STARD13: variants seen among roughly 807,000 people sequenced by gnomAD.
The protein encoded by STARD13 is StAR related lipid transfer domain containing 13.
In STARD13, 62 loss-of-function variants were observed where a neutral mutation model predicts 106.4. The ratio of observed to expected loss-of-function variants is 0.58; its 90% CI spans 0.48 to 0.72. The LOEUF (loss-of-function observed/expected upper bound fraction) is 0.72, where lower values mean the gene tolerates loss of function less well. Ranked by LOEUF, STARD13 falls within the 30% of genes least tolerant of loss-of-function variation. STARD13 has a pLI of 0.00. For synonymous variants in STARD13, 565 were observed against 553.0 expected, an observed-to-expected ratio of 1.02 and a Z score of -0.31; for missense variants, 1,387 against 1,424.0, an observed-to-expected ratio of 0.97 and a Z score of 0.42.
At chr13:33,556,946 GT>G in the STARD13 span, among the ~76,000 whole-genome samples, 2 of 152,086 alleles carry the variant, frequency 1.3e-5, no homozygotes, top group African/African-American at 4.8e-5. Context: ...TAGAGATGAG[GT>G]TTAGTCAAGC....
the STARD13 span, among the ~76,000 whole-genome samples, chr13:33,674,168 T>A: frequency 5.9e-5 from 9 of 152,184 alleles, no homozygotes; most frequent in Admixed American, 2.6e-4. Flanking sequence ...CCAGAATTAT[T>A]ATCTTTAAAT....
At chr13:33,252,961 C>T (rs1890164183) in intron 1 of STARD13, among the ~76,000 whole-genome samples, 1 of 152,148 alleles carries the variant, frequency 6.6e-6, no homozygotes, top group Non-Finnish European at 1.5e-5. Flanking sequence ...ACCTTGGGCC[C>T]ATGTCACAGA....
intron 1 of STARD13, among the ~76,000 whole-genome samples, chr13:33,312,509 C>T (rs776940336): frequency 1.3e-5 from 2 of 152,150 alleles, no homozygotes; most frequent in African/African-American, 2.4e-5. Flanking sequence ...TACATTTCCA[C>T]ATTTGTGCTT....
intron 1 of STARD13, among the ~76,000 whole-genome samples, chr13:33,299,215 C>T (rs1369907294): frequency 2.0e-5 from 3 of 152,164 alleles, no homozygotes; most frequent in Non-Finnish European, 4.4e-5. Flanking sequence ...CTATAATGTT[C>T]ACACAACAAC....
chr13:33,564,880 C>T, the STARD13 span, among the ~76,000 whole-genome samples: 1 of 144,314 alleles, frequency 6.9e-6, no homozygotes, highest in Non-Finnish European at 1.5e-5. Context: ...ATGGTCCCAG[C>T]TACTCGGGAG....
chr13:33,369,823 C>A, the STARD13 span, among the ~76,000 whole-genome samples: 1 of 152,076 alleles, frequency 6.6e-6, no homozygotes, highest in African/African-American at 2.4e-5. Flanking sequence ...CTCACAGTTG[C>A]CCCTCAGTAA....
rs1555248567 is a variant in STARD13 at position 33,211,831 on chromosome 13, G to GTGTGTGTA, written c.170-44210_170-44209insTACACACA. Among the ~76,000 whole-genome samples, 583 of 93,704 alleles carry GTGTGTGTA rather than the reference G, an allele frequency of 6.2e-3. 3 individuals are homozygous for GTGTGTGTA. Among genetic ancestry groups the GTGTGTGTA allele is most frequent in the Middle Eastern group, 0.036 (5 of 138 alleles). The allele number at this position is 93,704 out of a possible 152,430, so 61.5% of individuals were successfully genotyped here. A position where few individuals can be genotyped will look rare whatever the true frequency, so the allele number is the denominator to read the frequency against. ...TGTGTGTGTGTGTGTGTGTGTATGTGTGTGTGTGTGTGTGTGTATGACACA... is the reference window on the plus strand; with the variant it reads ...TGTGTGTGTGTGTGTGTGTGTATGTGTGTGTGTATGTGTGTGTGTGTGTGTATGACACA... On this transcript the variant is annotated intron_variant, in intron 1 of 13. Transcript: ENST00000336934.
the STARD13 span, among the ~76,000 whole-genome samples, chr13:33,621,803 T>C: frequency 2.0e-5 from 3 of 151,342 alleles, no homozygotes. Context: ...GCACTTGCAA[T>C]TTTTTTTTCT....
At chr13:33,487,562 G>A in the STARD13 span, among the ~76,000 whole-genome samples, 2 of 152,156 alleles carry the variant, frequency 1.3e-5, no homozygotes, top group Admixed American at 6.5e-5. Flanking sequence ...TCTGGGCTAG[G>A]GATGGAAGAA....
At chr13:33,111,939 T>C in intron 9 of STARD13, 47 bp from the exon 10 acceptor site, 1 of 1,194,968 alleles carries the variant, frequency 8.4e-7, no homozygotes, top group East Asian at 2.3e-5. Context: ...ACCAACGAGC[T>C]TGTCACAATA....
At chr13:33,513,037 T>C in the STARD13 span, among the ~76,000 whole-genome samples, 34 of 152,200 alleles carry the variant, frequency 2.2e-4, 1 homozygote, top group Non-Finnish European at 4.4e-5. Context: ...GTTTATATAT[T>C]GTCTACAGCT....
intron 1 of STARD13, chr13:33,276,623 A>G (rs1236315711): frequency 6.6e-6 from 1 of 152,144 alleles, no homozygotes; most frequent in East Asian, 1.9e-4. Flanking sequence ...ACTCATAGAG[A>G]TTGAATACTA....
the STARD13 span, among the ~76,000 whole-genome samples, chr13:33,664,455 T>C: frequency 0.012 from 1,785 of 152,324 alleles, 33 homozygotes; most frequent in African/African-American, 0.039. Context: ...TTGGACTTGG[T>C]GAAAACACCT....
intron 1 of STARD13, among the ~76,000 whole-genome samples, chr13:33,226,562 G>A (rs972604333): frequency 2.0e-5 from 3 of 150,940 alleles, no homozygotes; most frequent in African/African-American, 7.3e-5. Flanking sequence ...GGCCTCCTGA[G>A]TAGCTGGGAT....
chr13:33,601,196 G>A, the STARD13 span, among the ~76,000 whole-genome samples: 1 of 151,144 alleles, frequency 6.6e-6, no homozygotes, highest in African/African-American at 2.4e-5. Context: ...TTTTTTCCAG[G>A]TTTCAAAAAA....
the STARD13 span, among the ~76,000 whole-genome samples, chr13:33,481,452 C>G: frequency 2.6e-5 from 4 of 152,088 alleles, no homozygotes; most frequent in Non-Finnish European, 5.9e-5. Flanking sequence ...TCTATTTGTG[C>G]TTTTAGATGC....
chr13:33,132,057 T>G (rs969878282), intron 4 of STARD13, among the ~76,000 whole-genome samples: 1 of 152,230 alleles, frequency 6.6e-6, no homozygotes, highest in African/African-American at 2.4e-5. Context: ...TTAATCATTG[T>G]GGGGATCCTC....
intron 1 of STARD13, among the ~76,000 whole-genome samples, chr13:33,239,326 C>T (rs893679397): frequency 6.6e-5 from 10 of 152,288 alleles, no homozygotes; most frequent in Admixed American, 2.0e-4. Context: ...GTGTGACTGA[C>T]ACAACAATGA....
intron 3 of STARD13, chr13:33,158,773 T>G (rs1882283139): frequency 6.6e-6 from 1 of 152,192 alleles, no homozygotes; most frequent in Admixed American, 6.5e-5. Flanking sequence ...GAGATCTTCC[T>G]TCTGCCTGCT....
Sources: gnomAD v4.1 joint callset for allele counts (sites outside exome capture counted in the v4.1 genomes callset) on GRCh38, gnomAD v4.1.1 for gene constraint, MANE v1.5 for transcripts, NCBI Gene and HGNC (gene_info 2026-07-23, HGNC 2026-07-21) for gene names.